The following IFTAP variants were observed in gnomAD, a reference collection of about 807,000 sequenced individuals.
IFTAP encodes intraflagellar transport-associated protein.
Under a neutral mutation model 19.4 loss-of-function variants are expected in IFTAP, and 19 were observed. That is an observed-to-expected ratio of 0.98 (90% confidence interval 0.68 to 1.44). The LOEUF is 1.44. IFTAP is among the 40% of genes most tolerant of loss of function. The pLI is 0.00. For missense variants in IFTAP, 240 were observed against 253.6 expected (o/e 0.95, Z 0.36); for synonymous variants, 85 against 83.5 (o/e 1.02, Z -0.10).
At chr11:36,646,622 A>G (rs1416377960) in intron 4 of IFTAP, among the ~76,000 whole-genome samples, 1 of 151,926 alleles carries the variant, frequency 6.6e-6, no homozygotes, top group African/African-American at 2.4e-5. Flanking sequence ...TGTAACAAAA[A>G]TGCTTATTTA....
At chr11:36,617,015 G>C (rs1432379882) in intron 2 of IFTAP, among the ~76,000 whole-genome samples, 1 of 151,514 alleles carries the variant, frequency 6.6e-6, no homozygotes, top group Non-Finnish European at 1.5e-5. Context: ...TTTACTATCT[G>C]AATTGAGACA....
intron 2 of IFTAP, among the ~76,000 whole-genome samples, chr11:36,627,358 G>A (rs1852553124): frequency 6.6e-6 from 1 of 151,142 alleles, no homozygotes; most frequent in African/African-American, 2.5e-5. Flanking sequence ...CAGTAAAGCT[G>A]TGGGGAAGTG....
rs187234229 is a variant in IFTAP at position 36,658,644 on chromosome 11, A to G, written c.499-375A>G. On this transcript the variant is annotated intron_variant, in intron 5 of 5. Coordinates refer to ENST00000334307, the MANE Select transcript of IFTAP (RefSeq NM_138787.4). ...AAATCTATTTAAGGTTGATAAAAAA[A>G]TCTTAGTGTATATTTTTCTCACATT... Among the ~76,000 whole-genome samples the G allele has an allele frequency of 6.1e-3, 935 of 152,302 alleles. 10 individuals carry two copies. The highest frequency in any genetic ancestry group is 0.022 in the African/African-American group (908 of 41,574).
At chr11:36,654,378 T>C (rs752875563) in intron 5 of IFTAP, among the ~76,000 whole-genome samples, 7 of 152,114 alleles carry the variant, frequency 4.6e-5, no homozygotes, top group Non-Finnish European at 1.0e-4. Flanking sequence ...CTAGGGTACA[T>C]GTGCACAATG....
At chr11:36,657,652 C>T (rs745729818) in intron 5 of IFTAP, among the ~76,000 whole-genome samples, 1 of 152,164 alleles carries the variant, frequency 6.6e-6, no homozygotes, top group Non-Finnish European at 1.5e-5. Flanking sequence ...TATTGCTTCT[C>T]TCCCTTACTA....
intron 5 of IFTAP, among the ~76,000 whole-genome samples, chr11:36,657,933 T>A (rs1590242448): frequency 6.6e-6 from 1 of 152,334 alleles, no homozygotes; most frequent in East Asian, 1.9e-4. Flanking sequence ...CAAAAGATGA[T>A]AAATGGCTGA....
At chr11:36,603,058 ATACTTAGGTGACC>A (rs1022278957) in intron 1 of IFTAP, among the ~76,000 whole-genome samples, 3 of 152,186 alleles carry the variant, frequency 2.0e-5, no homozygotes, top group African/African-American at 7.2e-5. Context: ...AAACAATCTA[ATACTTAGGTGACC>A]TGCCTCAGTG....
intron 1 of IFTAP, among the ~76,000 whole-genome samples, chr11:36,608,330 T>C (rs978857459): frequency 6.6e-6 from 1 of 152,190 alleles, no homozygotes; most frequent in African/African-American, 2.4e-5. Flanking sequence ...AAATGATAAA[T>C]GTATAAAGGA....
chr11:36,599,994 A>G (rs1278422600), intron 1 of IFTAP, among the ~76,000 whole-genome samples: 4 of 152,210 alleles, frequency 2.6e-5, no homozygotes, highest in Admixed American at 2.6e-4. Flanking sequence ...AAAACAGGCA[A>G]TTTTTAGCAT....
At chr11:36,622,095 T>TA (rs1852317664) in intron 2 of IFTAP, among the ~76,000 whole-genome samples, 2 of 151,272 alleles carry the variant, frequency 1.3e-5, no homozygotes, top group African/African-American at 4.9e-5. Flanking sequence ...TTTTTATTTT[T>TA]TTTTTTGTGA....
chr11:36,607,677 T>G (rs368264911), intron 1 of IFTAP, among the ~76,000 whole-genome samples: 16 of 152,008 alleles, frequency 1.1e-4, no homozygotes, highest in African/African-American at 3.4e-4. Context: ...CCCCCTTTTC[T>G]TTTTATTTTT....
chr11:36,619,099 C>T (rs1852203998), intron 2 of IFTAP, among the ~76,000 whole-genome samples: 1 of 151,966 alleles, frequency 6.6e-6, no homozygotes, highest in African/African-American at 2.4e-5. Flanking sequence ...TTACACAGTT[C>T]TCATTTCAGG....
At chr11:36,656,391 G>A (rs568929992) in intron 5 of IFTAP, among the ~76,000 whole-genome samples, 3 of 152,174 alleles carry the variant, frequency 2.0e-5, no homozygotes, top group Non-Finnish European at 2.9e-5. Flanking sequence ...CCGACATGGC[G>A]AAACCCTATC....
intron 4 of IFTAP, among the ~76,000 whole-genome samples, chr11:36,636,710 T>C (rs1852966922): frequency 6.6e-6 from 1 of 152,260 alleles, no homozygotes; most frequent in South Asian, 2.1e-4. Context: ...TTTAAAAATA[T>C]TTATTATGTA....
chr11:36,620,154 G>T (rs1036714333), intron 2 of IFTAP, among the ~76,000 whole-genome samples: 12 of 151,878 alleles, frequency 7.9e-5, no homozygotes, highest in Non-Finnish European at 5.9e-5. Flanking sequence ...AAAAGTGTAA[G>T]AAAAAATGTT....
At chr11:36,600,858 A>C (rs1239054301) in intron 1 of IFTAP, among the ~76,000 whole-genome samples, 1 of 152,238 alleles carries the variant, frequency 6.6e-6, no homozygotes, top group Non-Finnish European at 1.5e-5. Flanking sequence ...TGGACAAAAA[A>C]GGAAACATAA....
intron 2 of IFTAP, among the ~76,000 whole-genome samples, chr11:36,623,259 A>G (rs1001873409): frequency 2.0e-5 from 3 of 152,050 alleles, no homozygotes. Context: ...GGAGGAGTTT[A>G]GGGAGATAAA....
At chr11:36,598,484 A>G (rs1851375566) in intron 1 of IFTAP, among the ~76,000 whole-genome samples, 1 of 152,232 alleles carries the variant, frequency 6.6e-6, no homozygotes. Context: ...AGAAATACAT[A>G]TAGTTTCTAT....
At chr11:36,625,291 T>G (rs1334897363) in intron 2 of IFTAP, among the ~76,000 whole-genome samples, 1 of 152,114 alleles carries the variant, frequency 6.6e-6, no homozygotes, top group Non-Finnish European at 1.5e-5. Context: ...TTACCTGAAT[T>G]ATTTTAAAGG....
Sources: gnomAD v4.1 joint callset for allele counts (sites outside exome capture counted in the v4.1 genomes callset) on GRCh38, gnomAD v4.1.1 for gene constraint, MANE v1.5 for transcripts, NCBI Gene and HGNC (gene_info 2026-07-23, HGNC 2026-07-21) for gene names.